The following FAAH2 variants were observed in gnomAD, a reference collection of about 807,000 sequenced individuals.
FAAH2 encodes the protein fatty-acid amide hydrolase 2.
FAAH2 carries 60 observed loss-of-function variants against 36.9 expected under a neutral mutation model. The observed-to-expected ratio is 1.63, with a 90% CI of 1.32 to 2.02. FAAH2 has a LOEUF of 2.02. Ranked by LOEUF, FAAH2 falls within the 30% of genes most tolerant of loss-of-function variation. The pLI, the probability that FAAH2 is intolerant of heterozygous loss-of-function variation, is 0.00. For synonymous variants in FAAH2, 214 were observed against 143.8 expected, an observed-to-expected ratio of 1.49 and a Z score of -3.49; for missense variants, 689 against 397.5, an observed-to-expected ratio of 1.73 and a Z score of -6.23.
the FAAH2 span, among the ~76,000 whole-genome samples, chrX:57,203,323 ATGCTAT>A: frequency 1.9e-4 from 21 of 112,491 alleles, no homozygotes; most frequent in African/African-American, 5.5e-4. Flanking sequence ...CAGATCACTC[ATGCTAT>A]TGTTTGTGGT....
intron 7 of FAAH2, among the ~76,000 whole-genome samples, chrX:57,399,258 G>T (rs1006373089): frequency 9.0e-6 from 1 of 111,720 alleles, no homozygotes; most frequent in African/African-American, 3.3e-5. Flanking sequence ...CACTTCACAG[G>T]CCCTGACTAT....
chrX:57,444,977 G>C (rs1045094752), intron 8 of FAAH2, among the ~76,000 whole-genome samples: 32 of 111,411 alleles, frequency 2.9e-4, no homozygotes, highest in Admixed American at 2.5e-3. Flanking sequence ...CTCCTGAATT[G>C]GTCACTGGTG....
At chrX:57,386,473 A>T (rs1352749672) in intron 7 of FAAH2, among the ~76,000 whole-genome samples, 3 of 111,746 alleles carry the variant, frequency 2.7e-5, no homozygotes, top group Non-Finnish European at 5.6e-5. Flanking sequence ...GATAAATGCA[A>T]AATTATGAAG....
chrX:57,141,684 A>G, the FAAH2 span, among the ~76,000 whole-genome samples: 1 of 111,305 alleles, frequency 9.0e-6, no homozygotes, highest in Non-Finnish European at 1.9e-5. Context: ...CTAGGAATTT[A>G]CCCATTTCTT....
At chrX:57,319,388 G>C (rs2052944773) in intron 3 of FAAH2, among the ~76,000 whole-genome samples, 1 of 111,718 alleles carries the variant, frequency 9.0e-6, no homozygotes, top group African/African-American at 3.3e-5. Context: ...TAGACAAAAA[G>C]AGAGCCAAAT....
At chrX:57,204,637 A>G in the FAAH2 span, among the ~76,000 whole-genome samples, 1 of 112,396 alleles carries the variant, frequency 8.9e-6, no homozygotes, top group Admixed American at 9.4e-5. Context: ...ACTTTTTGTT[A>G]TCAGATCTCT....
At chrX:57,455,614 C>T (rs2056852144) in intron 10 of FAAH2, among the ~76,000 whole-genome samples, 1 of 111,670 alleles carries the variant, frequency 9.0e-6, no homozygotes, top group Non-Finnish European at 1.9e-5. Context: ...ATCTATCAAG[C>T]AAATAGAAAA....
chrX:57,255,148 C>T, the FAAH2 span, among the ~76,000 whole-genome samples: 3 of 111,996 alleles, frequency 2.7e-5, no homozygotes, highest in Non-Finnish European at 5.6e-5. Flanking sequence ...CTATAAGCTC[C>T]TCTAAACAAA....
In FAAH2 at chrX:57,300,119, A is replaced by T. The variant is rs778670579; in HGVS notation, c.275+7539A>T. Among the ~76,000 whole-genome samples, 21 of 111,715 alleles carry T rather than the reference A, an allele frequency of 1.9e-4. 1 individual carries two copies. The highest frequency in any genetic ancestry group is 6.8e-4 in the African/African-American group (21 of 30,726). On this transcript the variant is annotated intron_variant, in intron 2 of 10. Coordinates refer to ENST00000374900, the MANE Select transcript of FAAH2 (RefSeq NM_174912.4). ...TGGAAAAAACTACTTTAAAGTTCAT[A>T]TAGAACCAAAAAAGAGCCCGCATTG... is the stretch of plus-strand genomic sequence containing the variant.
intron 1 of FAAH2, among the ~76,000 whole-genome samples, chrX:57,287,262 A>C (rs942869462): frequency 9.0e-6 from 1 of 111,101 alleles, no homozygotes; most frequent in Non-Finnish European, 1.9e-5. Flanking sequence ...CATTTGTCCT[A>C]TTTGTGCATA....
At chrX:57,232,990 G>A in the FAAH2 span, among the ~76,000 whole-genome samples, 1 of 112,313 alleles carries the variant, frequency 8.9e-6, no homozygotes, top group Non-Finnish European at 1.9e-5. Context: ...TAGTAATTTT[G>A]TGTGTTATAC....
At chrX:57,181,545 GGATA>G in the FAAH2 span, among the ~76,000 whole-genome samples, 1 of 110,928 alleles carries the variant, frequency 9.0e-6, no homozygotes, top group East Asian at 2.8e-4. Flanking sequence ...ATCTCTACAA[GGATA>G]ACTACAAAAG....
the FAAH2 span, among the ~76,000 whole-genome samples, chrX:57,202,764 A>T: frequency 8.9e-6 from 1 of 112,009 alleles, no homozygotes; most frequent in African/African-American, 3.3e-5. Flanking sequence ...TGTAGATGTC[A>T]TCTGGGACCC....
intron 7 of FAAH2, among the ~76,000 whole-genome samples, chrX:57,403,766 C>A (rs1404740095): frequency 2.7e-5 from 3 of 112,156 alleles, no homozygotes; most frequent in Non-Finnish European, 3.8e-5. Flanking sequence ...CTGGGAGGAA[C>A]CATCTATTGT....
At chrX:57,132,094 A>C in the FAAH2 span, among the ~76,000 whole-genome samples, 1 of 112,458 alleles carries the variant, frequency 8.9e-6, no homozygotes, top group Non-Finnish European at 1.9e-5. Flanking sequence ...AATTTTGAAC[A>C]AATCTACTGC....
chrX:57,347,524 A>G (rs2053854023), intron 5 of FAAH2, among the ~76,000 whole-genome samples: 2 of 107,631 alleles, frequency 1.9e-5, no homozygotes, highest in South Asian at 8.0e-4. Flanking sequence ...AATCTCGATG[A>G]GTTTTCTTTC....
At chrX:57,447,169 C>T in intron 9 of FAAH2, 130 bp downstream of exon 9, 1 of 424,007 alleles carries the variant, frequency 2.4e-6, no homozygotes, top group South Asian at 5.1e-5. Context: ...CTTAACGCTC[C>T]AAAATGATCT....
intron 8 of FAAH2, among the ~76,000 whole-genome samples, chrX:57,443,228 A>C (rs1054667651): frequency 2.7e-5 from 3 of 111,548 alleles, no homozygotes; most frequent in East Asian, 5.6e-4. Flanking sequence ...TTCCATTCTC[A>C]CCGTCACTTT....
chrX:57,383,955 G>A (rs868495878), intron 7 of FAAH2, among the ~76,000 whole-genome samples: 3 of 111,779 alleles, frequency 2.7e-5, no homozygotes, highest in Middle Eastern at 4.6e-3. Flanking sequence ...AAAACAGCAT[G>A]GTACTGGTAC....
Sources: allele counts gnomAD v4.1 joint callset (sites outside exome capture counted in the v4.1 genomes callset), GRCh38; gene constraint gnomAD v4.1.1; transcripts MANE v1.5; gene names NCBI Gene and HGNC (gene_info 2026-07-23, HGNC 2026-07-21).